The following BTNL9 variants were observed in gnomAD, a reference collection of about 807,000 sequenced individuals.
The protein encoded by BTNL9 is butyrophilin-like protein 9.
BTNL9 carries 45 observed loss-of-function variants against 45.8 expected under a neutral mutation model. The observed-to-expected ratio is 0.98, with a 90% confidence interval of 0.77 to 1.26. The LOEUF (loss-of-function observed/expected upper bound fraction) is 1.26. Among genes scored for constraint, BTNL9 ranks in the 50% most tolerant of loss-of-function variants. The pLI is 0.00. For missense variants in BTNL9, 784 were observed against 729.7 expected, an observed-to-expected ratio of 1.07 and a Z score of -0.86; for synonymous variants, 346 against 330.8, an observed-to-expected ratio of 1.05 and a Z score of -0.50.
Position 181,060,865 on chromosome 5 carries a change from C to T in BTNL9, c.*1003C>T, listed in dbSNP as rs1450975764. 2 of 152,342 alleles carry T rather than the reference C, an allele frequency of 1.3e-5. No individual in the cohort carries two copies. The highest frequency in any genetic ancestry group is 6.5e-5 in the Admixed American group (1 of 15,294). The allele number at this position is 152,342 out of a possible 1,614,324, so 9.4% of individuals were successfully genotyped here. ...TCACCCCCTACCCCCAAGACATTGT[C>T]TCTGTCGGCCAGGCTGGAGTGCAGC... On this transcript the variant is annotated 3_prime_UTR_variant, in exon 11 of 11. Transcript: ENST00000327705.
chr5:181,056,142 T>C, intron 9 of BTNL9, 127 bp downstream of exon 9: 1 of 1,049,766 alleles, frequency 9.5e-7, no homozygotes, highest in South Asian at 1.3e-5. Context: ...CATGTGTTAA[T>C]CTATGTCACT....
intron 1 of BTNL9, among the ~76,000 whole-genome samples, chr5:181,044,371 G>C (rs150115910): frequency 2.6e-5 from 4 of 152,306 alleles, no homozygotes; most frequent in Non-Finnish European, 5.9e-5. Flanking sequence ...CCGACGGGGA[G>C]ACAGAGAGGG....
chr5:181,050,510 C>T lies in BTNL9; in HGVS notation c.736+141C>T. On this transcript the variant is annotated intron_variant, in intron 4 of 10. Coordinates refer to ENST00000327705, the MANE Select transcript of BTNL9 (RefSeq NM_152547.5). The surrounding 1 kb of genome is among the most constrained non-coding windows in gnomAD (Gnocchi z 4.9). ...TTGGCCTTGACACCTGAAAAGTCAG[C>T]ACCTTGGATATTAGGAACACACTAA... 9.8e-7 allele frequency: 1 copy of T among 1,023,866 alleles called. No individual in the cohort carries two copies. The highest frequency in any genetic ancestry group is 1.4e-6 in the Non-Finnish European group (1 of 700,224). 63.4% of individuals were successfully genotyped at this position (1,023,866 alleles called of 1,614,324 possible). A position where few individuals can be genotyped will look rare whatever the true frequency, so the allele number is the denominator to read the frequency against.
chr5:181,040,873 C>T (rs1429138893), intron 1 of BTNL9, among the ~76,000 whole-genome samples: 3 of 152,200 alleles, frequency 2.0e-5, no homozygotes, highest in Non-Finnish European at 4.4e-5. Flanking sequence ...CTGACACCTG[C>T]GGACTTGCAG....
chr5:181,053,417 T>G lies in BTNL9; in HGVS notation c.854-52T>G. On this transcript the variant is annotated intron_variant, in intron 5 of 10. Transcript: ENST00000327705. This position sits in a 1 kb window ranked among gnomAD's most constrained non-coding sequence, Gnocchi z 6.5. Reference sequence around the variant, plus strand: ...CAGGACGCGGCGCGGGAAGGCGGCCTGGAAGGGGCGGGGGCGCGCACTCAG... The same window carrying G: ...CAGGACGCGGCGCGGGAAGGCGGCCGGGAAGGGGCGGGGGCGCGCACTCAG... 1.3e-6 allele frequency: 2 copies of G among 1,544,972 alleles called. No homozygotes were observed. The highest frequency in any genetic ancestry group is 1.7e-6 in the Non-Finnish European group (2 of 1,144,874).
At chr5:181,058,831 A>C (rs1324869185) in intron 10 of BTNL9, among the ~76,000 whole-genome samples, 1 of 151,810 alleles carries the variant, frequency 6.6e-6, no homozygotes, top group Non-Finnish European at 1.5e-5. Context: ...AAAAAAAAAA[A>C]ATCCAAAATT....
Position 181,053,825 on chromosome 5 carries a change from C to G in BTNL9, c.886+324C>G. The G allele has an allele frequency of 1.3e-6, 2 of 1,516,322 alleles. No individual in the cohort carries two copies. Among genetic ancestry groups the G allele is most frequent in the South Asian group, 2.4e-5 (2 of 83,020 alleles). The allele number at this position is 1,516,322 out of a possible 1,614,324, so 93.9% of individuals were successfully genotyped here. A position where few individuals can be genotyped will look rare whatever the true frequency, so the allele number is the denominator to read the frequency against. On this transcript the variant is annotated intron_variant, in intron 6 of 10. Transcript: ENST00000327705. This position sits in a 1 kb window ranked among gnomAD's most constrained non-coding sequence, Gnocchi z 6.5. The stretch of plus-strand genomic sequence containing the variant: ...AGGGTCTCTGCTGCCAGCGCCACCT[C>G]GTCCAGGTTTTCATAGCGCACAGGG...
In BTNL9 at chr5:181,045,548, T is replaced by C. The variant is rs1402659739; in HGVS notation, c.59T>C (p.Leu20Pro). The C allele has an allele frequency of 1.2e-6, 2 of 1,612,716 alleles. No individual in the cohort carries two copies. Among genetic ancestry groups the C allele is most frequent in the African/African-American group, 2.7e-5 (2 of 74,786 alleles). Residue 20 changes from leucine (L) to proline (P), a missense_variant, in exon 2 of 11, where the codon CTT (leucine) becomes CCT (proline). Transcript: ENST00000327705. Reference protein sequence around the residue: ...SLKPVSLTSSLVFLMHLLLLQ... With the variant: ...SLKPVSLTSSPVFLMHLLLLQ... ...AAGCCAGTATCGCTGACCAGCAGTC[T>C]TGTCTTCCTCATGCACCTCCTCCTC...
rs768608671 is a variant in BTNL9 at position 181,055,430 on chromosome 5, C to T, written c.908-3C>T. ...AAGTTTTCTTTGTGTGTTCTGCTTGCAGAAAAGCTTCAGACAGAGCTTGGT... is the reference window on the plus strand; with the variant it reads ...AAGTTTTCTTTGTGTGTTCTGCTTGTAGAAAAGCTTCAGACAGAGCTTGGT... On this transcript the variant is annotated splice_polypyrimidine_tract_variant and splice_region_variant and intron_variant, in intron 7 of 10. Coordinates refer to ENST00000327705, the MANE Select transcript of BTNL9 (RefSeq NM_152547.5). This position sits in a 1 kb window ranked among gnomAD's most constrained non-coding sequence, Gnocchi z 4.4. The T allele has an allele frequency of 3.7e-6, 6 of 1,614,136 alleles. No homozygotes were observed. The highest frequency in any genetic ancestry group is 1.7e-5 in the Admixed American group (1 of 60,024).
In BTNL9 at chr5:181,050,620, A is replaced by T. The variant is rs1761481623; in HGVS notation, c.736+251A>T. On this transcript the variant is annotated intron_variant, in intron 4 of 10. Transcript: ENST00000327705. The surrounding 1 kb of genome is among the most constrained non-coding windows in gnomAD (Gnocchi z 4.9). ...TGCCTAAGGCCATACACTAAAACCC[A>T]TCAACTCTGCTCATCAGAGGCATCA... Among the ~76,000 whole-genome samples, 1 of 152,204 alleles carries T rather than the reference A, an allele frequency of 6.6e-6. No individual in the cohort carries two copies.
At position 181,060,737 on chromosome 5, in the gene BTNL9, A is replaced by G. The variant is rs1762111515; in HGVS notation, c.*875A>G. The G allele has an allele frequency of 1.3e-5, 2 of 152,216 alleles. No individual in the cohort carries two copies. The highest frequency in any genetic ancestry group is 1.5e-5 in the Non-Finnish European group (1 of 68,048). The allele number at this position is 152,216 out of a possible 1,614,324, so 9.4% of individuals were successfully genotyped here. On this transcript the variant is annotated 3_prime_UTR_variant, in exon 11 of 11. Coordinates refer to ENST00000327705, the MANE Select transcript of BTNL9 (RefSeq NM_152547.5). The stretch of plus-strand genomic sequence containing the variant: ...GTTTGAAAGGGGAAAGGTTACCTTT[A>G]CAATGGAGACATCTACCAGATCATC...
intron 1 of BTNL9, among the ~76,000 whole-genome samples, chr5:181,040,806 G>A (rs932619567): frequency 6.6e-6 from 1 of 152,370 alleles, no homozygotes; most frequent in South Asian, 2.1e-4. Flanking sequence ...GGTCTGCCGG[G>A]GGGAAGGGCA....
At position 181,059,514 on chromosome 5, in the gene BTNL9, G is replaced by T. The variant is rs776717470; in HGVS notation, c.1260G>T (p.Trp420Cys). Residue 420 changes from tryptophan (W) to cysteine (C), a missense_variant, in exon 11 of 11, where the codon TGG (tryptophan) becomes TGT (cysteine). Physicochemically the swap from Trp to Cys is radical, Grantham distance 215 (BLOSUM62 -2). Coordinates refer to ENST00000327705, the MANE Select transcript of BTNL9 (RefSeq NM_152547.5). ...GCCTGAGCCCTGCGGCCGGCTACTG[G>T]GTGCTGGGGCTGTGGAACGGCTGCG... ...PARLSPAAGY[W>C]VLGLWNGCEY... The T allele has an allele frequency of 1.3e-6, 2 of 1,597,818 alleles. No individual in the cohort carries two copies. The highest frequency in any genetic ancestry group is 1.3e-5 in the African/African-American group (1 of 74,562).
intron 4 of BTNL9, among the ~76,000 whole-genome samples, chr5:181,051,101 A>C (rs1283097052): frequency 3.3e-5 from 5 of 151,914 alleles, no homozygotes; most frequent in East Asian, 1.9e-4. Flanking sequence ...AAAAAAAAAA[A>C]AACAAGAAGA....
In BTNL9 at chr5:181,059,234, C is replaced by T. The variant is rs1554159240; in HGVS notation, c.983-3C>T. 64 of 1,543,036 alleles carry T rather than the reference C, an allele frequency of 4.1e-5. No individual in the cohort carries two copies. The highest frequency in any genetic ancestry group is 5.4e-5 in the Non-Finnish European group (62 of 1,154,520). ...CGGGCACTAACGCTGTGGCTCTGCG[C>T]AGTGGATGTGACGCTGGACCCGGCC... is the stretch of plus-strand genomic sequence containing the variant. On this transcript the variant is annotated splice_region_variant and splice_polypyrimidine_tract_variant and intron_variant, in intron 10 of 10. Coordinates refer to ENST00000327705, the MANE Select transcript of BTNL9 (RefSeq NM_152547.5).
In BTNL9 at chr5:181,050,002, A is replaced by G. The variant is rs1366101708; in HGVS notation, c.455-86A>G. On this transcript the variant is annotated intron_variant, in intron 3 of 10. Transcript: ENST00000327705. This position sits in a 1 kb window ranked among gnomAD's most constrained non-coding sequence, Gnocchi z 4.9. ...TCACACTTCATGATGCTTTATGGTG[A>G]CTGCAAATGCTGAACAGTGGCAGGA... The G allele has an allele frequency of 6.7e-7, 1 of 1,486,590 alleles. No individual in the cohort carries two copies. The highest frequency in any genetic ancestry group is 9.1e-7 in the Non-Finnish European group (1 of 1,096,708). 92.1% of individuals were successfully genotyped at this position (1,486,590 alleles called of 1,614,324 possible).
chr5:181,049,708 G>C (rs575325595), intron 3 of BTNL9, among the ~76,000 whole-genome samples: 10 of 152,302 alleles, frequency 6.6e-5, no homozygotes, highest in Admixed American at 3.3e-4. Context: ...GTATAATGCA[G>C]GCACTAGAGC....
chr5:181,048,362 C>T (rs112700714), intron 3 of BTNL9, 91 bp downstream of exon 3: 28,534 of 1,215,442 alleles, frequency 0.023, 378 homozygotes, highest in Middle Eastern at 0.031. Context: ...AGAAGAATGT[C>T]GGTGATTTTT....
At position 181,053,559 on chromosome 5, in the gene BTNL9, T is replaced by C; in HGVS notation, c.886+58T>C. The stretch of plus-strand genomic sequence containing the variant: ...GCCCAAGTGCCAAAACCCGCCGTCA[T>C]CTAAAGGCTGTGGGTCCCGTTACGA... On this transcript the variant is annotated intron_variant, in intron 6 of 10. Coordinates refer to ENST00000327705, the MANE Select transcript of BTNL9 (RefSeq NM_152547.5). The surrounding 1 kb of genome is among the most constrained non-coding windows in gnomAD (Gnocchi z 6.5). 1 of 1,553,428 alleles carries C rather than the reference T, an allele frequency of 6.4e-7. No homozygotes were observed. The highest frequency in any genetic ancestry group is 2.0e-5 in the Admixed American group (1 of 51,180).
Sources: gnomAD v4.1 joint callset for allele counts (sites outside exome capture counted in the v4.1 genomes callset) on GRCh38, gnomAD v4.1.1 for gene constraint, Gnocchi (gnomAD v3.1) non-coding constraint, MANE v1.5 for transcripts, NCBI Gene and HGNC (gene_info 2026-07-23, HGNC 2026-07-21) for gene names.